DMXL1: variants seen among roughly 807,000 people sequenced by gnomAD.
DMXL1 encodes the protein Dmx like 1.
A neutral mutation model predicts 319.2 loss-of-function variants in DMXL1; 99 were observed. The observed-to-expected ratio is 0.31, with a 90% confidence interval of 0.26 to 0.37. The LOEUF (loss-of-function observed/expected upper bound fraction) is 0.37, where lower values mean the gene tolerates loss of function less well. Ranked by LOEUF, DMXL1 falls within the 10% of genes least tolerant of loss-of-function variation. The probability of loss-of-function intolerance (pLI) is 1.00; values close to 1 mark genes in which losing one functional copy is unlikely to be tolerated. For synonymous variants in DMXL1, 1,385 were observed against 1,235.2 expected, an observed-to-expected ratio of 1.12 and a Z score of -2.54; for missense variants, 3,745 against 3,595.6, an observed-to-expected ratio of 1.04 and a Z score of -1.06.
At chr5:119,178,345 T>TTCGCAAA (rs1448709410) in intron 28 of DMXL1, 101 bp downstream of exon 28, 205 of 1,328,344 alleles carry the variant, frequency 1.5e-4, no homozygotes, top group Non-Finnish European at 2.0e-4. Context: ...AAGTTCTGGT[T>TTCGCAAA]AGAGACCATT....
At chr5:119,225,795 A>C (rs1785439795) in intron 38 of DMXL1, among the ~76,000 whole-genome samples, 1 of 152,170 alleles carries the variant, frequency 6.6e-6, no homozygotes, top group Non-Finnish European at 1.5e-5. Flanking sequence ...TTTTCACTAC[A>C]TCAAATTTAT....
intron 1 of DMXL1, among the ~76,000 whole-genome samples, chr5:119,088,647 A>G (rs1753900752): frequency 6.6e-6 from 1 of 152,098 alleles, no homozygotes; most frequent in South Asian, 2.1e-4. Flanking sequence ...TTTTTAAAGT[A>G]TTTATTATTG....
intron 19 of DMXL1, among the ~76,000 whole-genome samples, chr5:119,164,223 T>C (rs1285211386): frequency 6.6e-6 from 1 of 152,174 alleles, no homozygotes; most frequent in African/African-American, 2.4e-5. Context: ...GTGTTACTCA[T>C]TTTTTAAAAA....
At chr5:119,161,953 T>G (rs929755601) in intron 19 of DMXL1, among the ~76,000 whole-genome samples, 5 of 152,202 alleles carry the variant, frequency 3.3e-5, no homozygotes, top group African/African-American at 1.2e-4. Context: ...TCTACCTCCT[T>G]TCTTTGTTTC....
chr5:119,178,014 G>A lies in DMXL1; in HGVS notation c.6905G>A (p.Arg2302Gln), dbSNP rs748493955. ...AQWPGITCLI[R>Q]LLNSSGEEAQ... ...GTTCTAGGAATAACTTGTCTAATTC[G>A]ACTTTTGAATTCTTCTGGCGAGGAA... Residue 2302 changes from arginine to glutamine, a missense_variant, in exon 28 of 44, where the codon CGA (arginine) becomes CAA (glutamine). By Grantham distance (43) the Arg-to-Gln change is conservative. Coordinates refer to ENST00000539542, the MANE Select transcript of DMXL1 (RefSeq NM_001290321.3). 8.1e-6 allele frequency: 13 copies of A among 1,604,296 alleles called. No homozygotes were observed. Among genetic ancestry groups the A allele is most frequent in the Admixed American group, 1.7e-5 (1 of 59,554 alleles).
chr5:119,177,224 T>C (rs1775970838), intron 26 of DMXL1, 133 bp from the exon 27 acceptor site: 1 of 517,574 alleles, frequency 1.9e-6, no homozygotes, highest in Non-Finnish European at 3.3e-6. Flanking sequence ...AGCACTAGAC[T>C]GTACATTATA....
intron 2 of DMXL1, among the ~76,000 whole-genome samples, chr5:119,099,810 T>C (rs77964854): frequency 0.037 from 5,644 of 152,092 alleles, 275 homozygotes; most frequent in African/African-American, 0.12. Flanking sequence ...TGAGACCAGC[T>C]TGGGGCAACC....
intron 1 of DMXL1, among the ~76,000 whole-genome samples, chr5:119,095,708 T>C (rs963778513): frequency 7.9e-5 from 12 of 152,224 alleles, no homozygotes; most frequent in African/African-American, 2.9e-4. Context: ...GGAGAAAAAT[T>C]AGTTTCTAAA....
Position 119,220,456 on chromosome 5 carries a change from T to A in DMXL1, c.8014-16T>A. 1 of 1,610,678 alleles carries A rather than the reference T, an allele frequency of 6.2e-7. No individual in the cohort carries two copies. The highest frequency in any genetic ancestry group is 8.5e-7 in the Non-Finnish European group (1 of 1,178,788). Reference sequence around the variant, plus strand: ...TGCCTATTGCTTTTAAAATTACCATTTGACTTATTTTTCAGGCAAATAGAA... The same window carrying A: ...TGCCTATTGCTTTTAAAATTACCATATGACTTATTTTTCAGGCAAATAGAA... On this transcript the variant is annotated splice_polypyrimidine_tract_variant and intron_variant, in intron 35 of 43. Coordinates refer to ENST00000539542, the MANE Select transcript of DMXL1 (RefSeq NM_001290321.3).
chr5:119,093,503 G>A (rs532291451), intron 1 of DMXL1, among the ~76,000 whole-genome samples: 1 of 152,206 alleles, frequency 6.6e-6, no homozygotes, highest in East Asian at 1.9e-4. Context: ...AATGGTTGTG[G>A]AATGCCAATG....
Position 119,071,378 on chromosome 5 carries a change from G to A in DMXL1, c.-192G>A, listed in dbSNP as rs897610132. ...GCCCTCTCGCCGACCCGCCCCCTCC[G>A]GGCCTCGCCCTCCGGGGCTCGGGAT... On this transcript the variant is annotated 5_prime_UTR_variant, in exon 1 of 44. Coordinates refer to ENST00000539542, the MANE Select transcript of DMXL1 (RefSeq NM_001290321.3). 1 of 569,102 alleles carries A rather than the reference G, an allele frequency of 1.8e-6. No homozygotes were observed. Among genetic ancestry groups the A allele is most frequent in the African/African-American group, 2.0e-5 (1 of 49,320 alleles). 35.3% of individuals were successfully genotyped at this position (569,102 alleles called of 1,614,324 possible).
At chr5:119,182,369 A>G (rs1278840521) in intron 28 of DMXL1, among the ~76,000 whole-genome samples, 1 of 152,196 alleles carries the variant, frequency 6.6e-6, no homozygotes, top group African/African-American at 2.4e-5. Flanking sequence ...ATTGAAATAC[A>G]TTGTATATTG....
chr5:119,093,197 A>G (rs1256748370), intron 1 of DMXL1, among the ~76,000 whole-genome samples: 1 of 151,950 alleles, frequency 6.6e-6, no homozygotes, highest in Non-Finnish European at 1.5e-5. Context: ...TTTTATTATT[A>G]TTTTTGAACA....
intron 19 of DMXL1, among the ~76,000 whole-genome samples, chr5:119,152,269 TTA>T (rs1769976512): frequency 6.6e-6 from 1 of 152,064 alleles, no homozygotes; most frequent in Admixed American, 6.6e-5. Flanking sequence ...ATGTTCTGTG[TTA>T]TGTTTTTAAA....
chr5:119,098,458 T>G (rs917139788), intron 2 of DMXL1, among the ~76,000 whole-genome samples: 1 of 152,132 alleles, frequency 6.6e-6, no homozygotes, highest in East Asian at 1.9e-4. Flanking sequence ...TATTTTTTTT[T>G]TTTTGTCTGT....
chr5:119,210,832 A>G (rs1037910159), intron 34 of DMXL1, among the ~76,000 whole-genome samples: 4 of 131,764 alleles, frequency 3.0e-5, no homozygotes, highest in African/African-American at 1.1e-4. Context: ...AGTGATCACC[A>G]GCAGACATTA....
chr5:119,071,289 G>T lies in DMXL1; in HGVS notation c.-281G>T. On this transcript the variant is annotated 5_prime_UTR_variant, in exon 1 of 44. Coordinates refer to ENST00000539542, the MANE Select transcript of DMXL1 (RefSeq NM_001290321.3). ...CGGCCCCGGGTCGTGGCCGGTGAGG[G>T]GACCCTGAGCTTCACCTGGGCTAGC... The T allele has an allele frequency of 2.3e-6, 1 of 440,932 alleles. No homozygotes were observed. Among genetic ancestry groups the T allele is most frequent in the South Asian group, 2.3e-5 (1 of 42,822 alleles). 27.3% of individuals were successfully genotyped at this position (440,932 alleles called of 1,614,324 possible). A position where few individuals can be genotyped will look rare whatever the true frequency, so the allele number is the denominator to read the frequency against.
chr5:119,206,915 C>T lies in DMXL1; in HGVS notation c.7926+19C>T, dbSNP rs1409233657. The T allele has an allele frequency of 2.2e-5, 32 of 1,452,848 alleles. No individual in the cohort carries two copies. The highest frequency in any genetic ancestry group is 3.6e-4 in the Middle Eastern group (2 of 5,554). 90.0% of individuals were successfully genotyped at this position (1,452,848 alleles called of 1,614,324 possible). ...CAATAAGGTACAAAATATCATTCAA[C>T]TGAAATTAAAAATTGCATTCTTTCA... On this transcript the variant is annotated intron_variant, in intron 34 of 43. Transcript: ENST00000539542.
At chr5:119,236,126 G>T (rs568123264) in intron 39 of DMXL1, among the ~76,000 whole-genome samples, 27 of 152,120 alleles carry the variant, frequency 1.8e-4, no homozygotes, top group African/African-American at 5.8e-4. Context: ...AACTTTGCCT[G>T]GCCAGTAGCC....
Sources: allele counts gnomAD v4.1 joint callset (sites outside exome capture counted in the v4.1 genomes callset), GRCh38; gene constraint gnomAD v4.1.1; transcripts MANE v1.5; gene names NCBI Gene and HGNC (gene_info 2026-07-23, HGNC 2026-07-21).